ZNF716: variants seen among roughly 807,000 people sequenced by gnomAD.
The protein encoded by ZNF716 is zinc finger protein 716.
A neutral mutation model predicts 13.4 loss-of-function variants in ZNF716; 9 were observed. The ratio of observed to expected loss-of-function variants is 0.67; its 90% CI spans 0.41 to 1.18. The LOEUF (loss-of-function observed/expected upper bound fraction) is 1.18, where lower values mean the gene tolerates loss of function less well. Ranked by LOEUF, ZNF716 falls within the 50% of genes most tolerant of loss-of-function variation. ZNF716 has a pLI of 0.01. For synonymous variants in ZNF716, 186 were observed against 195.2 expected, an observed-to-expected ratio of 0.95 and a Z score of 0.39; for missense variants, 581 against 576.6, an observed-to-expected ratio of 1.01 and a Z score of -0.08.
At chr7:57,459,510 C>T (rs1428427377) in intron 1 of ZNF716, among the ~76,000 whole-genome samples, 1 of 152,200 alleles carries the variant, frequency 6.6e-6, no homozygotes, top group Admixed American at 6.5e-5. Flanking sequence ...CTTGCTAATG[C>T]TAATAATGTG....
At chr7:57,461,888 A>T (rs1322735403) in intron 1 of ZNF716, among the ~76,000 whole-genome samples, 4 of 152,180 alleles carry the variant, frequency 2.6e-5, no homozygotes, top group Non-Finnish European at 5.9e-5. Flanking sequence ...GACTGGGTGC[A>T]GTGGCTCATG....
At chr7:57,466,550 T>C (rs1365599038) in intron 3 of ZNF716, among the ~76,000 whole-genome samples, 12 of 152,190 alleles carry the variant, frequency 7.9e-5, no homozygotes, top group Non-Finnish European at 1.5e-4. Flanking sequence ...TCTTTCATTA[T>C]GTGACATGGT....
chr7:57,461,562 A>T (rs1453639243), intron 1 of ZNF716, among the ~76,000 whole-genome samples: 3 of 152,108 alleles, frequency 2.0e-5, no homozygotes, highest in Non-Finnish European at 4.4e-5. Flanking sequence ...TTGCATCTAT[A>T]TTTGTCTTTT....
At chr7:57,464,902 G>T (rs1354863974) in intron 3 of ZNF716, among the ~76,000 whole-genome samples, 4 of 152,104 alleles carry the variant, frequency 2.6e-5, no homozygotes, top group African/African-American at 9.7e-5. Flanking sequence ...AGAGTTCATT[G>T]CTGGCCTCCC....
chr7:57,468,598 ACGGCTTGTGG>A (rs1789854670), intron 3 of ZNF716, 116 bp from the exon 4 acceptor site: 1 of 947,752 alleles, frequency 1.1e-6, no homozygotes, highest in East Asian at 2.8e-5. Flanking sequence ...TGAAGGAATT[ACGGCTTGTGG>A]TATTTTGATA....
Position 57,470,057 on chromosome 7 carries a change from C to G in ZNF716, c.*108C>G. On this transcript the variant is annotated 3_prime_UTR_variant, in exon 4 of 4. Coordinates refer to ENST00000420713, the MANE Select transcript of ZNF716 (RefSeq NM_001159279.1). ...GCCAATTCTTTAACCAGTTCCAAAC[C>G]ACTGCTGTCCATAAGATAATTCATA... 9.5e-7 allele frequency: 1 copy of G among 1,053,984 alleles called. No individual in the cohort carries two copies. The highest frequency in any genetic ancestry group is 1.3e-6 in the Non-Finnish European group (1 of 743,744). The allele number at this position is 1,053,984 out of a possible 1,614,324, so 65.3% of individuals were successfully genotyped here.
Position 57,470,001 on chromosome 7 carries a change from G to A in ZNF716, c.*52G>A, listed in dbSNP as rs1789899854. 3 of 1,451,630 alleles carry A rather than the reference G, an allele frequency of 2.1e-6. 1 individual carries two copies. In the South Asian group the frequency reaches 4.5e-5, roughly 22 times the overall value. The allele number at this position is 1,451,630 out of a possible 1,614,324, so 89.9% of individuals were successfully genotyped here. A position where few individuals can be genotyped will look rare whatever the true frequency, so the allele number is the denominator to read the frequency against. ...TATAATACATAAAATAATTTATACT[G>A]GAAAAAATCACTACAAGTGTGGAGA... On this transcript the variant is annotated 3_prime_UTR_variant, in exon 4 of 4. Transcript: ENST00000420713.
rs557676887 is a variant in ZNF716, at chr7:57,455,621, A to G, written c.39+5294A>G. On this transcript the variant is annotated intron_variant, in intron 1 of 3. Coordinates refer to ENST00000420713, the MANE Select transcript of ZNF716 (RefSeq NM_001159279.1). ...AATCTCCACCTCCTGGATTCAAGCA[A>G]TTCTCTTGCCTCAGCCTCCCAAATA... is the stretch of plus-strand genomic sequence containing the variant. Among the ~76,000 whole-genome samples the G allele has an allele frequency of 3.3e-5, 5 of 151,926 alleles. No homozygotes were observed. The East Asian group carries it at 9.8e-4, about 30-fold the overall frequency.
intron 1 of ZNF716, among the ~76,000 whole-genome samples, chr7:57,454,598 G>A (rs1554321999): frequency 6.6e-6 from 1 of 152,234 alleles, no homozygotes; most frequent in Non-Finnish European, 1.5e-5. Flanking sequence ...GAAACCTGGG[G>A]ACCCACAGGC....
intron 3 of ZNF716, among the ~76,000 whole-genome samples, chr7:57,466,970 A>G (rs1196899197): frequency 6.6e-6 from 1 of 152,056 alleles, no homozygotes; most frequent in East Asian, 1.9e-4. Flanking sequence ...TCATTTTACC[A>G]TTATATAATA....
intron 3 of ZNF716, 50 bp downstream of exon 3, chr7:57,463,218 C>T: frequency 6.3e-7 from 1 of 1,596,626 alleles, no homozygotes; most frequent in South Asian, 1.1e-5. Context: ...TTACAAAAGT[C>T]AAGGAGGAAG....
intron 1 of ZNF716, among the ~76,000 whole-genome samples, chr7:57,453,733 T>G (rs74553843): frequency 0.036 from 5,458 of 152,262 alleles, 317 homozygotes; most frequent in East Asian, 0.24. Flanking sequence ...ATTTGCACAA[T>G]AAAATGTGTG....
intron 1 of ZNF716, among the ~76,000 whole-genome samples, chr7:57,451,441 A>ATTTTTTTTTTT (rs782311074): frequency 6.7e-5 from 6 of 89,036 alleles, no homozygotes; most frequent in African/African-American, 1.8e-4. Context: ...TTTCCCTTGG[A>ATTTTTTTTTTT]TTTTTTTTTT....
intron 3 of ZNF716, among the ~76,000 whole-genome samples, chr7:57,463,791 TAAATG>T (rs1221953396): frequency 5.9e-5 from 9 of 152,166 alleles, no homozygotes; most frequent in African/African-American, 2.2e-4. Context: ...CATAGATTCA[TAAATG>T]GAATTGTTTA....
intron 2 of ZNF716, among the ~76,000 whole-genome samples, chr7:57,462,868 C>T (rs1554323383): frequency 6.6e-6 from 1 of 152,148 alleles, no homozygotes; most frequent in Non-Finnish European, 1.5e-5. Flanking sequence ...GTTCCTACCA[C>T]CAATTTTTGA....
intron 1 of ZNF716, among the ~76,000 whole-genome samples, chr7:57,457,776 C>A (rs538148773): frequency 1.3e-5 from 2 of 152,184 alleles, no homozygotes; most frequent in Non-Finnish European, 2.9e-5. Flanking sequence ...TAGTACCCAA[C>A]AGATTTGTTT....
chr7:57,466,320 T>C (rs1789812845), intron 3 of ZNF716, among the ~76,000 whole-genome samples: 1 of 152,134 alleles, frequency 6.6e-6, no homozygotes, highest in Non-Finnish European at 1.5e-5. Flanking sequence ...AGTTGGTTTA[T>C]AATATGGTGT....
At chr7:57,460,269 C>T (rs1401593559) in intron 1 of ZNF716, among the ~76,000 whole-genome samples, 9 of 151,764 alleles carry the variant, frequency 5.9e-5, no homozygotes, top group African/African-American at 2.2e-4. Flanking sequence ...GTAGCATGCA[C>T]CTGTAGTCTC....
At chr7:57,458,461 C>T (rs1419443706) in intron 1 of ZNF716, among the ~76,000 whole-genome samples, 12 of 149,446 alleles carry the variant, frequency 8.0e-5, no homozygotes, top group Non-Finnish European at 3.0e-5. Context: ...TCACTCTTTT[C>T]GTCCAGACTG....
Sources: allele counts gnomAD v4.1 joint callset (sites outside exome capture counted in the v4.1 genomes callset), GRCh38; gene constraint gnomAD v4.1.1; transcripts MANE v1.5; gene names NCBI Gene and HGNC (gene_info 2026-07-23, HGNC 2026-07-21).